The following DDHD2 variants were observed in gnomAD, a reference collection of about 807,000 sequenced individuals.
DDHD2 encodes triacylglycerol hydrolase DDHD2.
Under a neutral mutation model 91.2 loss-of-function variants are expected in DDHD2, and 62 were observed. That is an observed-to-expected ratio of 0.68 (90% CI 0.55 to 0.84). The LOEUF is 0.84. Among genes scored for constraint, DDHD2 ranks in the 40% least tolerant of loss-of-function variants. The probability of loss-of-function intolerance (pLI) is 0.00; values close to 1 mark genes in which losing one functional copy is unlikely to be tolerated. For synonymous variants in DDHD2, 271 were observed against 293.9 expected, an observed-to-expected ratio of 0.92 and a Z score of 0.80; for missense variants, 740 against 846.9, an observed-to-expected ratio of 0.87 and a Z score of 1.57.
chr8:38,259,395 T>A (rs944474754), intron 16 of DDHD2, among the ~76,000 whole-genome samples: 2 of 151,642 alleles, frequency 1.3e-5, no homozygotes, highest in African/African-American at 4.8e-5. Context: ...TAGTTTTTTT[T>A]TTTTTTTTTT....
At chr8:38,257,722 T>G (rs2130876629) in intron 16 of DDHD2, among the ~76,000 whole-genome samples, 1 of 147,464 alleles carries the variant, frequency 6.8e-6, no homozygotes, top group Middle Eastern at 3.5e-3. Flanking sequence ...CAGAGTGCAA[T>G]GGTGTGATCT....
intron 16 of DDHD2, among the ~76,000 whole-genome samples, chr8:38,259,170 T>C (rs1402173501): frequency 6.6e-6 from 1 of 151,994 alleles, no homozygotes. Context: ...ATAGTGTCTC[T>C]AGAATGATCT....
chr8:38,252,838 T>C lies in DDHD2; in HGVS notation c.1720+14T>C. On this transcript the variant is annotated intron_variant, in intron 14 of 17. Transcript: ENST00000397166. Reference sequence around the variant, plus strand: ...GGATGCACTTAGGTAAGTCCGAGCATAGAACTTGATAATTCTAGACCTTTT... The same window carrying C: ...GGATGCACTTAGGTAAGTCCGAGCACAGAACTTGATAATTCTAGACCTTTT... The C allele has an allele frequency of 6.2e-7, 1 of 1,612,912 alleles. No homozygotes were observed. The highest frequency in any genetic ancestry group is 8.5e-7 in the Non-Finnish European group (1 of 1,178,900).
chr8:38,248,405 T>A (rs1376251948), intron 10 of DDHD2, among the ~76,000 whole-genome samples: 2 of 151,794 alleles, frequency 1.3e-5, no homozygotes, highest in Non-Finnish European at 2.9e-5. Flanking sequence ...TGTCGTGCCT[T>A]TTTCTGGTTT....
At chr8:38,233,861 G>A (rs1329085636) in intron 2 of DDHD2, among the ~76,000 whole-genome samples, 2 of 151,514 alleles carry the variant, frequency 1.3e-5, no homozygotes, top group Admixed American at 6.6e-5. Flanking sequence ...CCCGGGAGGC[G>A]GAGGTTACAG....
chr8:38,270,300 A>G (rs1808405219), intron 1 of DDHD2: 1 of 152,246 alleles, frequency 6.6e-6, no homozygotes, highest in Admixed American at 6.5e-5. Context: ...AGAAATAACC[A>G]ATCTACAAAG....
chr8:38,258,739 C>T lies in DDHD2; in HGVS notation c.2055-1301C>T, dbSNP rs58344202. Among the ~76,000 whole-genome samples the T allele has an allele frequency of 1.7e-3, 258 of 152,272 alleles. 2 individuals are homozygous for T. Among genetic ancestry groups the T allele is most frequent in the African/African-American group, 5.7e-3 (237 of 41,558 alleles). On this transcript the variant is annotated intron_variant, in intron 16 of 17. Transcript: ENST00000397166. ...GGAAGTCTGTGAATCCAATGAAATA[C>T]ACATTTATAATTGTGGTTGCAATGT...
At chr8:38,264,667 A>G (rs547313158), downstream of DDHD2, 2 of 1,485,794 alleles carry the variant, frequency 1.3e-6, no homozygotes, top group East Asian at 4.8e-5. Flanking sequence ...TTACATACAC[A>G]TAGCATAGAG....
chr8:38,268,840 C>T (rs781516298), intron 1 of DDHD2: 1 of 1,494,178 alleles, frequency 6.7e-7, no homozygotes, highest in East Asian at 2.5e-5. Flanking sequence ...CGCGGGAAGC[C>T]GGGTCATGGG....
downstream of DDHD2, chr8:38,264,184 G>A: frequency 9.7e-7 from 1 of 1,029,394 alleles, no homozygotes; most frequent in Non-Finnish European, 1.2e-6. Flanking sequence ...GTCTCACTCT[G>A]TTGCCTAGGC....
chr8:38,252,368 A>AT lies in DDHD2; in HGVS notation c.1617+90dup, dbSNP rs200682685. On this transcript the variant is annotated intron_variant, in intron 13 of 17. Transcript: ENST00000397166. ...GAACATAGGATTTTCTGTTGTGTTG[A>AT]TTTTTTTTTCCTATTCCATTGTCTA... 891 of 1,474,158 alleles carry AT rather than the reference A, an allele frequency of 6.0e-4. 1 individual carries two copies. The highest frequency in any genetic ancestry group is 2.5e-3 in the South Asian group (183 of 72,998). 91.3% of individuals were successfully genotyped at this position (1,474,158 alleles called of 1,614,324 possible).
intron 6 of DDHD2, chr8:38,242,041 A>G (rs1805305171): frequency 2.1e-6 from 1 of 470,428 alleles, no homozygotes; most frequent in South Asian, 2.7e-5. Flanking sequence ...GTTACAGAGC[A>G]GTACTCCATC....
At chr8:38,244,881 A>G (rs2130807435) in intron 7 of DDHD2, among the ~76,000 whole-genome samples, 1 of 152,260 alleles carries the variant, frequency 6.6e-6, no homozygotes, top group East Asian at 1.9e-4. Context: ...GTATATTTTA[A>G]AGGACTTAAA....
chr8:38,270,052 A>G (rs899046735), intron 1 of DDHD2: 1 of 152,320 alleles, frequency 6.6e-6, no homozygotes. Flanking sequence ...AAAATATTAT[A>G]TATCTTGAAG....
Position 38,242,352 on chromosome 8 carries a change from G to C in DDHD2, c.815G>C (p.Trp272Ser). The C allele has an allele frequency of 6.2e-7, 1 of 1,610,988 alleles. No homozygotes were observed. The highest frequency in any genetic ancestry group is 8.5e-7 in the Non-Finnish European group (1 of 1,179,112). ...AGGGTAGAATTTCTTCCAGTCAACTGGCACAGTCCTTTGCATTCTACTGGT... is the reference window on the plus strand; with the variant it reads ...AGGGTAGAATTTCTTCCAGTCAACTCGCACAGTCCTTTGCATTCTACTGGT... ...IGRVEFLPVN[W>S]HSPLHSTGVD... The change falls in exon 7 of 18, where the codon TGG becomes TCG. Residue 272 changes from tryptophan (W) to serine (S), a missense_variant. By Grantham distance (177) the Trp-to-Ser change is radical (BLOSUM62 -3). This residue lies in a region of DDHD2 where 693 missense variants were observed against 764.2 expected (regional missense o/e 0.91). Coordinates refer to ENST00000397166, the MANE Select transcript of DDHD2 (RefSeq NM_015214.3).
chr8:38,248,315 C>T (rs1267848407), intron 10 of DDHD2, among the ~76,000 whole-genome samples: 1 of 151,534 alleles, frequency 6.6e-6, no homozygotes, highest in Non-Finnish European at 1.5e-5. Flanking sequence ...CCCACCTTGG[C>T]CTCCCAAAGT....
At chr8:38,267,445 T>C, downstream of DDHD2, 2 of 1,596,558 alleles carry the variant, frequency 1.3e-6, no homozygotes, top group South Asian at 2.2e-5. Flanking sequence ...GAAATTATTT[T>C]TCAGTTGTAG....
At chr8:38,256,813 A>G (rs1321260631) in intron 16 of DDHD2, among the ~76,000 whole-genome samples, 1 of 152,206 alleles carries the variant, frequency 6.6e-6, no homozygotes, top group Non-Finnish European at 1.5e-5. Context: ...GGTGGATACT[A>G]TATGGAAGTG....
intron 9 of DDHD2, 172 bp from the exon 10 acceptor site, chr8:38,247,541 T>C (rs1805742014): frequency 5.0e-6 from 2 of 399,062 alleles, no homozygotes; most frequent in Non-Finnish European, 8.8e-6. Flanking sequence ...AAACATATTT[T>C]CAATTGAAGT....
Sources: allele counts gnomAD v4.1 joint callset (sites outside exome capture counted in the v4.1 genomes callset), GRCh38; gene constraint gnomAD v4.1.1; regional missense constraint gnomAD v4.1.1; transcripts MANE v1.5; gene names NCBI Gene and HGNC (gene_info 2026-07-23, HGNC 2026-07-21).